MXD1: variants seen among roughly 807,000 people sequenced by gnomAD.
MXD1 encodes the protein MAX-binding protein.
Under a neutral mutation model 25.7 loss-of-function variants are expected in MXD1, and 9 were observed. That is an observed-to-expected ratio of 0.35 (90% confidence interval 0.21 to 0.61). The LOEUF is 0.61. MXD1 is among the 20% of genes least tolerant of loss of function. The pLI, the probability that MXD1 is intolerant of heterozygous loss-of-function variation, is 0.75. For missense variants in MXD1, 227 were observed against 292.4 expected (o/e 0.78, Z 1.63); for synonymous variants, 99 against 113.9 (o/e 0.87, Z 0.83).
intron 3 of MXD1, among the ~76,000 whole-genome samples, chr2:69,934,375 A>T (rs1283863592): frequency 2.0e-5 from 3 of 152,188 alleles, no homozygotes; most frequent in Non-Finnish European, 4.4e-5. Context: ...AAACCATTTC[A>T]AGGAAATGTA....
At position 69,915,802 on chromosome 2, in the gene MXD1, C is replaced by T. The variant is rs962141867; in HGVS notation, c.74-319C>T. Among the ~76,000 whole-genome samples the T allele has an allele frequency of 6.6e-6, 1 of 152,250 alleles. No homozygotes were observed. Among genetic ancestry groups the T allele is most frequent in the Non-Finnish European group, 1.5e-5 (1 of 68,042 alleles). On this transcript the variant is annotated intron_variant, in intron 1 of 5. Transcript: ENST00000264444. This position sits in a 1 kb window ranked among gnomAD's most constrained non-coding sequence, Gnocchi z 5.8. ...CCCGGCTCACGGTGCTTGCCCCGCA[C>T]CTTCGCCTGAGCTGGTTCCACTTAA...
chr2:69,938,075 T>G, intron 5 of MXD1, 22 bp from the exon 6 acceptor site: 1 of 1,609,702 alleles, frequency 6.2e-7, no homozygotes, highest in Non-Finnish European at 8.5e-7. Context: ...ATCAATGTCC[T>G]TCTCTCTTGT....
chr2:69,931,474 C>G (rs1488737397), intron 3 of MXD1, among the ~76,000 whole-genome samples: 1 of 152,126 alleles, frequency 6.6e-6, no homozygotes, highest in African/African-American at 2.4e-5. Flanking sequence ...CTAATGACCT[C>G]CAGTTCCATC....
At chr2:69,923,066 A>G (rs1454117077) in intron 3 of MXD1, among the ~76,000 whole-genome samples, 8 of 149,924 alleles carry the variant, frequency 5.3e-5, no homozygotes, top group African/African-American at 2.0e-4. Flanking sequence ...CACACAAAAC[A>G]CCCAAAACAA....
chr2:69,920,709 T>A (rs1474540869), intron 2 of MXD1, among the ~76,000 whole-genome samples: 1 of 152,232 alleles, frequency 6.6e-6, no homozygotes, highest in African/African-American at 2.4e-5. Flanking sequence ...CCTGAGCTGG[T>A]TAAATTCTAG....
intron 3 of MXD1, among the ~76,000 whole-genome samples, chr2:69,928,323 G>T (rs1261335239): frequency 1.3e-5 from 2 of 152,156 alleles, no homozygotes; most frequent in East Asian, 3.8e-4. Context: ...GGAAAAGAAG[G>T]TTATGATAGG....
intron 3 of MXD1, among the ~76,000 whole-genome samples, chr2:69,922,180 G>A (rs940815683): frequency 1.3e-5 from 2 of 152,120 alleles, no homozygotes; most frequent in African/African-American, 2.4e-5. Context: ...GTGTATTAAC[G>A]TGTATGTATG....
At chr2:69,924,312 G>A (rs1042523492) in intron 3 of MXD1, among the ~76,000 whole-genome samples, 2 of 152,188 alleles carry the variant, frequency 1.3e-5, no homozygotes, top group Non-Finnish European at 1.5e-5. Context: ...GCTTGTATAT[G>A]ACCAATCAAC....
chr2:69,933,484 CA>C lies in MXD1; in HGVS notation c.204-1866del, dbSNP rs1233514005. On this transcript the variant is annotated intron_variant, in intron 3 of 5. Transcript: ENST00000264444. ...GACTCTGCCACATGGACAGGTTTTT[CA>C]GAAGAAGTGAAAGACTTACAAAATA... Among the ~76,000 whole-genome samples, 169 of 141,200 alleles carry C rather than the reference CA, an allele frequency of 1.2e-3. 3 individuals carry two copies. The highest frequency in any genetic ancestry group is 2.9e-4 in the Non-Finnish European group (19 of 65,958). The allele number at this position is 141,200 out of a possible 152,430, so 92.6% of individuals were successfully genotyped here.
intron 3 of MXD1, among the ~76,000 whole-genome samples, chr2:69,927,764 C>A (rs1677198275): frequency 6.6e-6 from 1 of 152,134 alleles, no homozygotes; most frequent in South Asian, 2.1e-4. Context: ...CAAAATGTAG[C>A]CACTGTTAAC....
At chr2:69,937,175 G>A (rs1241983552) in intron 4 of MXD1, 60 bp from the exon 5 acceptor site, 5 of 1,599,916 alleles carry the variant, frequency 3.1e-6, no homozygotes, top group Admixed American at 3.3e-5. Flanking sequence ...AAGATGCGGG[G>A]GCCATTGCCC....
chr2:69,930,295 A>T (rs1318886792), intron 3 of MXD1, among the ~76,000 whole-genome samples: 10 of 149,756 alleles, frequency 6.7e-5, no homozygotes, highest in Admixed American at 6.6e-4. Context: ...CTGTGCTTGG[A>T]CTTCCCAAGT....
chr2:69,938,956 T>C lies in MXD1; in HGVS notation c.*672T>C, dbSNP rs537285322. ...CTCATCAAAGTTCCAAATTGTTTGT[T>C]CTCACAAACAAAACGGTACAATCTA... is the stretch of plus-strand genomic sequence containing the variant. On this transcript the variant is annotated 3_prime_UTR_variant, in exon 6 of 6. Coordinates refer to ENST00000264444, the MANE Select transcript of MXD1 (RefSeq NM_002357.4). The C allele has an allele frequency of 6.5e-6, 1 of 152,736 alleles. No homozygotes were observed. The highest frequency in any genetic ancestry group is 2.1e-4 in the South Asian group (1 of 4,828). The allele number at this position is 152,736 out of a possible 1,614,324, so 9.5% of individuals were successfully genotyped here.
At chr2:69,925,503 G>T (rs940269288) in intron 3 of MXD1, among the ~76,000 whole-genome samples, 1 of 151,982 alleles carries the variant, frequency 6.6e-6, no homozygotes, top group Non-Finnish European at 1.5e-5. Context: ...GCCTCTCAGA[G>T]GTAACACCTG....
At position 69,940,226 on chromosome 2, in the gene MXD1, C is replaced by G. The variant is rs965952891; in HGVS notation, c.*1942C>G. Reference sequence around the variant, plus strand: ...TTTGCACTGAAATACAACTTGTATGCCTTTTGCATTTTTAAAGCCTGCTTC... The same window carrying G: ...TTTGCACTGAAATACAACTTGTATGGCTTTTGCATTTTTAAAGCCTGCTTC... On this transcript the variant is annotated 3_prime_UTR_variant, in exon 6 of 6. Transcript: ENST00000264444. 2 of 151,296 alleles carry G rather than the reference C, an allele frequency of 1.3e-5. No individual in the cohort carries two copies. Among genetic ancestry groups the G allele is most frequent in the Admixed American group, 1.3e-4 (2 of 15,204 alleles). 9.4% of individuals were successfully genotyped at this position (151,296 alleles called of 1,614,324 possible).
intron 3 of MXD1, among the ~76,000 whole-genome samples, chr2:69,930,490 C>A (rs182682370): frequency 1.3e-5 from 2 of 152,276 alleles, no homozygotes; most frequent in East Asian, 1.9e-4. Context: ...ATAAAGGAAT[C>A]TTTTATTTTG....
At chr2:69,928,845 A>C (rs967802592) in intron 3 of MXD1, among the ~76,000 whole-genome samples, 1 of 152,216 alleles carries the variant, frequency 6.6e-6, no homozygotes. Context: ...ACAAAAAAAG[A>C]AAGAAAATAT....
intron 2 of MXD1, among the ~76,000 whole-genome samples, chr2:69,917,883 C>T (rs142388569): frequency 2.0e-5 from 3 of 150,978 alleles, no homozygotes; most frequent in African/African-American, 7.3e-5. Context: ...GTTTGCTTTC[C>T]ATGGTTAGAG....
rs751437108 is a variant in MXD1, at chr2:69,915,317, G to T, written c.-14G>T. 3.1e-6 allele frequency: 4 copies of T among 1,308,566 alleles called. No homozygotes were observed. The highest frequency in any genetic ancestry group is 2.9e-6 in the Non-Finnish European group (3 of 1,019,960). 81.1% of individuals were successfully genotyped at this position (1,308,566 alleles called of 1,614,324 possible). A position where few individuals can be genotyped will look rare whatever the true frequency, so the allele number is the denominator to read the frequency against. Reference sequence around the variant, plus strand: ...AGTGGGGGTTGGTCCCGTGGCTCCGGCCCCCGGTGCAGAATGGCGGCGGCG... The same window carrying T: ...AGTGGGGGTTGGTCCCGTGGCTCCGTCCCCCGGTGCAGAATGGCGGCGGCG... On this transcript the variant is annotated 5_prime_UTR_variant, in exon 1 of 6. Coordinates refer to ENST00000264444, the MANE Select transcript of MXD1 (RefSeq NM_002357.4). This position sits in a 1 kb window ranked among gnomAD's most constrained non-coding sequence, Gnocchi z 5.8.
Sources: gnomAD v4.1 joint callset for allele counts (sites outside exome capture counted in the v4.1 genomes callset) on GRCh38, gnomAD v4.1.1 for gene constraint, Gnocchi (gnomAD v3.1) non-coding constraint, MANE v1.5 for transcripts, NCBI Gene and HGNC (gene_info 2026-07-23, HGNC 2026-07-21) for gene names.